LRP1B: variants seen among roughly 807,000 people sequenced by gnomAD.
The protein encoded by LRP1B is LDL receptor related protein 1B, also known as low-density lipoprotein receptor-related protein 1B.
A neutral mutation model predicts 556.6 loss-of-function variants in LRP1B; 217 were observed. That is an observed-to-expected ratio of 0.39 (90% CI 0.35 to 0.44). The LOEUF is 0.44. Ranked by LOEUF, LRP1B falls within the 20% of genes least tolerant of loss-of-function variation. The pLI, the probability that LRP1B is intolerant of heterozygous loss-of-function variation, is 1.00. For synonymous variants in LRP1B, 2,047 were observed against 1,865.8 expected (o/e 1.10, Z -2.50); for missense variants, 5,053 against 5,620.8 (o/e 0.90, Z 3.23).
intron 3 of LRP1B, among the ~76,000 whole-genome samples, chr2:141,477,267 A>G (rs984712173): frequency 1.6e-4 from 24 of 151,956 alleles, no homozygotes; most frequent in Non-Finnish European, 3.5e-4. Context: ...GATGCAATGT[A>G]AAAATAACCG....
intron 41 of LRP1B, among the ~76,000 whole-genome samples, chr2:140,624,146 G>T (rs1452739590): frequency 6.6e-6 from 1 of 151,810 alleles, no homozygotes; most frequent in African/African-American, 2.4e-5. Flanking sequence ...GTCAAGAAGA[G>T]ATAAATCTCA....
At chr2:141,863,774 AC>A (rs1698323285) in intron 1 of LRP1B, among the ~76,000 whole-genome samples, 1 of 152,102 alleles carries the variant, frequency 6.6e-6, no homozygotes, top group African/African-American at 2.4e-5. Flanking sequence ...TCAAACTTAA[AC>A]CTATTTGATT....
At chr2:140,347,470 A>G (rs796255661) in intron 77 of LRP1B, among the ~76,000 whole-genome samples, 11 of 151,926 alleles carry the variant, frequency 7.2e-5, no homozygotes, top group African/African-American at 2.4e-4. Flanking sequence ...TTCCAAAAAA[A>G]AAAAAGAAAC....
At chr2:141,681,345 T>TA (rs796274007) in intron 2 of LRP1B, among the ~76,000 whole-genome samples, 26 of 149,898 alleles carry the variant, frequency 1.7e-4, no homozygotes, top group East Asian at 3.9e-4. Context: ...TCTTGGTAAA[T>TA]AAAAAAAAAA....
chr2:142,092,700 AAAT>A (rs1706218415), intron 1 of LRP1B, among the ~76,000 whole-genome samples: 1 of 151,886 alleles, frequency 6.6e-6, no homozygotes, highest in Admixed American at 6.6e-5. Flanking sequence ...AATGGTAGGA[AAAT>A]AATAGTTCAG....
chr2:141,123,191 T>G (rs1329682742), intron 7 of LRP1B, among the ~76,000 whole-genome samples: 1 of 150,316 alleles, frequency 6.7e-6, no homozygotes, highest in African/African-American at 2.5e-5. Context: ...CGTATACATA[T>G]GTAACAAATC....
chr2:140,321,501 T>C (rs951769593), intron 82 of LRP1B, among the ~76,000 whole-genome samples: 8 of 151,976 alleles, frequency 5.3e-5, no homozygotes, highest in Admixed American at 5.2e-4. Context: ...GTATTGTAAG[T>C]CCCATTTTAC....
intron 84 of LRP1B, among the ~76,000 whole-genome samples, chr2:140,289,294 G>A (rs992217699): frequency 2.0e-5 from 3 of 151,762 alleles, no homozygotes; most frequent in South Asian, 2.1e-4. Flanking sequence ...TATACAATTC[G>A]AAGTCCGCTT....
rs144683391 is a variant in LRP1B at position 140,752,618 on chromosome 2, C to A, written c.5758+16595G>T. On this transcript the variant is annotated intron_variant, in intron 35 of 90. Transcript: ENST00000389484. ...GGGATGACAGGCGTGAGCCACCACG[C>A]CCAGGCAAATCTCACATTTTATATA... Among the ~76,000 whole-genome samples the A allele has an allele frequency of 5.3e-5, 8 of 152,228 alleles. No homozygotes were observed. In the East Asian group the frequency reaches 1.2e-3, roughly 22 times the overall value.
At chr2:141,878,858 G>A (rs1698860773) in intron 1 of LRP1B, among the ~76,000 whole-genome samples, 1 of 151,606 alleles carries the variant, frequency 6.6e-6, no homozygotes, top group African/African-American at 2.4e-5. Context: ...CTCCTTGAAG[G>A]GTTATTTCTT....
At chr2:142,010,780 G>A (rs1459410831) in intron 1 of LRP1B, among the ~76,000 whole-genome samples, 3 of 151,990 alleles carry the variant, frequency 2.0e-5, no homozygotes, top group Admixed American at 6.6e-5. Flanking sequence ...ACCCAGGAAT[G>A]ACAATGGTTG....
chr2:141,030,408 G>A lies in LRP1B; in HGVS notation c.1790-10306C>T, dbSNP rs1003580762. ...TTTGTTTTTTACCTGAAATAATAGCGAGTTAAACCTTGCAATTTGAAATTC... is the reference window on the plus strand; with the variant it reads ...TTTGTTTTTTACCTGAAATAATAGCAAGTTAAACCTTGCAATTTGAAATTC... On this transcript the variant is annotated intron_variant, in intron 11 of 90. Transcript: ENST00000389484. Among the ~76,000 whole-genome samples, 8 of 151,840 alleles carry A rather than the reference G, an allele frequency of 5.3e-5. No individual in the cohort carries two copies. The South Asian group carries it at 6.2e-4, about 12-fold the overall frequency.
At chr2:141,479,066 CAG>C (rs1427068738) in intron 3 of LRP1B, among the ~76,000 whole-genome samples, 5 of 152,174 alleles carry the variant, frequency 3.3e-5, no homozygotes, top group Non-Finnish European at 7.4e-5. Context: ...AATTTATCCA[CAG>C]AGTCAGCGTA....
chr2:141,782,756 G>C (rs1329680026), intron 2 of LRP1B, among the ~76,000 whole-genome samples: 2 of 151,876 alleles, frequency 1.3e-5, no homozygotes, highest in Admixed American at 1.3e-4. Flanking sequence ...GTGTGATCTA[G>C]GTAAAGTAAT....
chr2:141,454,696 G>A (rs1020313960), intron 3 of LRP1B, among the ~76,000 whole-genome samples: 1 of 91,814 alleles, frequency 1.1e-5, no homozygotes, highest in Non-Finnish European at 2.3e-5. Context: ...CTGAAGTACA[G>A]CCTTTATACT....
chr2:141,877,227 C>A (rs1698796160), intron 1 of LRP1B, among the ~76,000 whole-genome samples: 1 of 151,764 alleles, frequency 6.6e-6, no homozygotes, highest in African/African-American at 2.4e-5. Context: ...ATTTCCTGAA[C>A]TTGATGATAA....
At position 140,982,146 on chromosome 2, in the gene LRP1B, C is replaced by A. The variant is rs1321408820; in HGVS notation, c.2887+14G>T. 1.9e-6 allele frequency: 3 copies of A among 1,583,806 alleles called. No homozygotes were observed. Among genetic ancestry groups the A allele is most frequent in the Non-Finnish European group, 2.6e-6 (3 of 1,153,220 alleles). On this transcript the variant is annotated intron_variant, in intron 18 of 90. Coordinates refer to ENST00000389484, the MANE Select transcript of LRP1B (RefSeq NM_018557.3). ...CACAATCTGTAATAATAACATGTCT[C>A]ACTCACAACTTACCACAAGATGCCA...
At chr2:141,609,017 A>T (rs1031807001) in intron 2 of LRP1B, among the ~76,000 whole-genome samples, 4 of 152,096 alleles carry the variant, frequency 2.6e-5, no homozygotes, top group Non-Finnish European at 4.4e-5. Context: ...CTATTTTCTC[A>T]ATTTTTTGTG....
At chr2:142,069,534 A>G (rs1330838705) in intron 1 of LRP1B, among the ~76,000 whole-genome samples, 2 of 151,632 alleles carry the variant, frequency 1.3e-5, no homozygotes, top group African/African-American at 4.8e-5. Flanking sequence ...ACTGAAACTG[A>G]CATTCATTCA....
Sources: gnomAD v4.1 joint callset for allele counts (sites outside exome capture counted in the v4.1 genomes callset) on GRCh38, gnomAD v4.1.1 for gene constraint, MANE v1.5 for transcripts, NCBI Gene and HGNC (gene_info 2026-07-23, HGNC 2026-07-21) for gene names.